The following PCDHGA2 variants were observed in gnomAD, a reference collection of about 807,000 sequenced individuals.
PCDHGA2 encodes the protein protocadherin gamma-A2.
A neutral mutation model predicts 59.2 loss-of-function variants in PCDHGA2; 40 were observed. The observed-to-expected ratio is 0.68, with a 90% CI of 0.52 to 0.88. The LOEUF (loss-of-function observed/expected upper bound fraction) is 0.88. Among genes scored for constraint, PCDHGA2 ranks in the 40% least tolerant of loss-of-function variants. The probability of loss-of-function intolerance (pLI) is 0.00; values close to 1 mark genes in which losing one functional copy is unlikely to be tolerated. For synonymous variants in PCDHGA2, 560 were observed against 526.0 expected (o/e 1.06, Z -0.89); for missense variants, 1,226 against 1,204.0 (o/e 1.02, Z -0.27).
At chr5:141,379,889 CTTTTTTTTTTTTTTTTTTT>C (rs70988800) in intron 1 of PCDHGA2, among the ~76,000 whole-genome samples, 3 of 50,830 alleles carry the variant, frequency 5.9e-5, no homozygotes, top group African/African-American at 1.3e-4. Flanking sequence ...GTGAAAGCCT[CTTTTTTTTTTTTTTTTTTT>C]TTTTTTTTTT....
chr5:141,352,315 G>GT, intron 1 of PCDHGA2: 4 of 1,614,064 alleles, frequency 2.5e-6, no homozygotes, highest in Non-Finnish European at 3.4e-6. Context: ...CGGAACTGCA[G>GT]TTTTACCTGG....
chr5:141,361,183 A>C (rs1461203772), intron 1 of PCDHGA2: 2 of 1,613,944 alleles, frequency 1.2e-6, no homozygotes, highest in Non-Finnish European at 1.7e-6. Flanking sequence ...AGTTATTGTG[A>C]CTTCAGTATC....
chr5:141,490,833 G>C lies in PCDHGA2; in HGVS notation c.2425-3974G>C, dbSNP rs781529579. ...ACTATGAATTGCTGCAGATGCTGCA[G>C]ATTGTGGTGGGGGTTCGAGACTCCG... On this transcript the variant is annotated intron_variant, in intron 1 of 3. Coordinates refer to ENST00000394576, the MANE Select transcript of PCDHGA2 (RefSeq NM_018915.4). This position sits in a 1 kb window ranked among gnomAD's most constrained non-coding sequence, Gnocchi z 5.4. The C allele has an allele frequency of 6.2e-7, 1 of 1,613,932 alleles. No homozygotes were observed. Among genetic ancestry groups the C allele is most frequent in the East Asian group, 2.2e-5 (1 of 44,884 alleles).
At chr5:141,469,994 C>T (rs948868787) in intron 1 of PCDHGA2, among the ~76,000 whole-genome samples, 2 of 151,830 alleles carry the variant, frequency 1.3e-5, no homozygotes, top group Non-Finnish European at 1.5e-5. Flanking sequence ...AGCTGGTCGT[C>T]GTGGCACGCC....
Position 141,477,209 on chromosome 5 carries a change from G to A in PCDHGA2, c.2425-17598G>A. ...CGTGTACAGCCCAGTACCCGAGGAT[G>A]CCCCTCTGGGGACTGTCATCGCTTT... is the stretch of plus-strand genomic sequence containing the variant. On this transcript the variant is annotated intron_variant, in intron 1 of 3. Coordinates refer to ENST00000394576, the MANE Select transcript of PCDHGA2 (RefSeq NM_018915.4). This position sits in a 1 kb window ranked among gnomAD's most constrained non-coding sequence, Gnocchi z 4.9. The A allele has an allele frequency of 6.2e-7, 1 of 1,614,194 alleles. No homozygotes were observed.
At position 141,512,881 on chromosome 5, in the gene PCDHGA2, C is replaced by T. The variant is rs1274589284; in HGVS notation, c.*1708C>T. 1.3e-5 allele frequency: 2 copies of T among 152,268 alleles called. No homozygotes were observed. Among genetic ancestry groups the T allele is most frequent in the African/African-American group, 4.8e-5 (2 of 41,458 alleles). 9.4% of individuals were successfully genotyped at this position (152,268 alleles called of 1,614,324 possible). On this transcript the variant is annotated 3_prime_UTR_variant, in exon 4 of 4. Coordinates refer to ENST00000394576, the MANE Select transcript of PCDHGA2 (RefSeq NM_018915.4). Reference sequence around the variant, plus strand: ...TCGCATAGTCACGTAGCTCCCACCCCACCCTCTTCCTGTGTCTCACGCAAG... The same window carrying T: ...TCGCATAGTCACGTAGCTCCCACCCTACCCTCTTCCTGTGTCTCACGCAAG...
intron 1 of PCDHGA2, chr5:141,403,819 T>A (rs1264553327): frequency 1.2e-6 from 2 of 1,613,784 alleles, no homozygotes; most frequent in Admixed American, 3.3e-5. Flanking sequence ...AAAAACAATC[T>A]CTGCTATTCC....
At chr5:141,412,198 G>T (rs1248911071) in intron 1 of PCDHGA2, 1 of 152,180 alleles carries the variant, frequency 6.6e-6, no homozygotes, top group African/African-American at 2.4e-5. Flanking sequence ...ATGAAAACAG[G>T]TCATTTGACA....
intron 1 of PCDHGA2, chr5:141,360,684 A>G (rs1025740579): frequency 6.2e-7 from 1 of 1,614,010 alleles, no homozygotes; most frequent in Non-Finnish European, 8.5e-7. Context: ...TCGCTGAGAA[A>G]CAGACTCCAG....
At chr5:141,384,677 C>A in intron 1 of PCDHGA2, 3 of 1,614,188 alleles carry the variant, frequency 1.9e-6, no homozygotes, top group Non-Finnish European at 2.5e-6. Context: ...AAGGTGGTGG[C>A]GGTGGACAAA....
intron 1 of PCDHGA2, among the ~76,000 whole-genome samples, chr5:141,446,948 T>C (rs1166868490): frequency 6.6e-6 from 1 of 152,186 alleles, no homozygotes; most frequent in African/African-American, 2.4e-5. Context: ...GTAAGAAACA[T>C]CCAGCACCCA....
intron 1 of PCDHGA2, chr5:141,417,692 C>T (rs2096147964): frequency 1.8e-6 from 2 of 1,089,118 alleles, no homozygotes; most frequent in Non-Finnish European, 2.5e-6. Flanking sequence ...AAAAGAAAAC[C>T]AGCTCCCACA....
At position 141,512,523 on chromosome 5, in the gene PCDHGA2, T is replaced by A. The variant is rs1222752176; in HGVS notation, c.*1350T>A. 6.5e-6 allele frequency: 1 copy of A among 152,848 alleles called. No homozygotes were observed. The highest frequency in any genetic ancestry group is 1.5e-5 in the Non-Finnish European group (1 of 68,240). 9.5% of individuals were successfully genotyped at this position (152,848 alleles called of 1,614,324 possible). A position where few individuals can be genotyped will look rare whatever the true frequency, so the allele number is the denominator to read the frequency against. The stretch of plus-strand genomic sequence containing the variant: ...AGTGCGCCCCCTAGTGGCCATAGCC[T>A]GGTTAAAGTTCCCCAGTGCCTCCTT... On this transcript the variant is annotated 3_prime_UTR_variant, in exon 4 of 4. Transcript: ENST00000394576.
chr5:141,349,823 G>A (rs1368268423), intron 1 of PCDHGA2, among the ~76,000 whole-genome samples: 1 of 152,012 alleles, frequency 6.6e-6, no homozygotes, highest in Non-Finnish European at 1.5e-5. Context: ...GAAAAAAATG[G>A]CAGTGTACCT....
chr5:141,371,694 T>A lies in PCDHGA2; in HGVS notation c.2424+30299T>A, dbSNP rs1409788183. 6.8e-6 allele frequency: 11 copies of A among 1,613,912 alleles called. No homozygotes were observed. The Admixed American group carries it at 1.7e-4, about 24-fold the overall frequency. ...CGACAAAGGCAATCCACCGCTCTCC[T>A]CCAGCAAGACCATCACTCTGCACAT... On this transcript the variant is annotated intron_variant, in intron 1 of 3. Coordinates refer to ENST00000394576, the MANE Select transcript of PCDHGA2 (RefSeq NM_018915.4).
Position 141,431,241 on chromosome 5 carries a change from A to T in PCDHGA2, c.2425-63566A>T. On this transcript the variant is annotated intron_variant, in intron 1 of 3. Coordinates refer to ENST00000394576, the MANE Select transcript of PCDHGA2 (RefSeq NM_018915.4). This position sits in a 1 kb window ranked among gnomAD's most constrained non-coding sequence, Gnocchi z 4.8. ...CCTCTACCCCACGCCTGGGATCCGG[A>T]TATCGGGAAGAACTCTCTGCAGAGC... The T allele has an allele frequency of 6.2e-7, 1 of 1,614,138 alleles. No individual in the cohort carries two copies. The highest frequency in any genetic ancestry group is 8.5e-7 in the Non-Finnish European group (1 of 1,180,046).
chr5:141,481,260 A>C (rs2099534771), intron 1 of PCDHGA2, among the ~76,000 whole-genome samples: 1 of 152,166 alleles, frequency 6.6e-6, no homozygotes, highest in Non-Finnish European at 1.5e-5. Context: ...CTAAAAGATC[A>C]CTGTAGGAAG....
At position 141,511,181 on chromosome 5, in the gene PCDHGA2, G is replaced by A. The variant is rs1301391138; in HGVS notation, c.*8G>A. On this transcript the variant is annotated 3_prime_UTR_variant, in exon 4 of 4. Transcript: ENST00000394576. Reference sequence around the variant, plus strand: ...AAGAAGGAGAAGAAGTAACATGGAGGCCAGGCCAAGAGCCACAGGGCGGCC... The same window carrying A: ...AAGAAGGAGAAGAAGTAACATGGAGACCAGGCCAAGAGCCACAGGGCGGCC... 6.2e-7 allele frequency: 1 copy of A among 1,614,016 alleles called. No homozygotes were observed. The highest frequency in any genetic ancestry group is 1.7e-5 in the Admixed American group (1 of 60,016).
At chr5:141,364,099 G>T in intron 1 of PCDHGA2, 1 of 407,086 alleles carries the variant, frequency 2.5e-6, no homozygotes, top group Non-Finnish European at 4.3e-6. Context: ...ATTTGATGCA[G>T]TCACTGGTTA....
Sources: allele counts gnomAD v4.1 joint callset (sites outside exome capture counted in the v4.1 genomes callset), GRCh38; gene constraint gnomAD v4.1.1; non-coding constraint Gnocchi (gnomAD v3.1); transcripts MANE v1.5; gene names NCBI Gene and HGNC (gene_info 2026-07-23, HGNC 2026-07-21).